Variants in SHTN1 observed in about 807,000 individuals in gnomAD.
SHTN1 encodes shootin 1.
SHTN1 carries 42 observed loss-of-function variants against 83.1 expected under a neutral mutation model. The ratio of observed to expected loss-of-function variants is 0.51; its 90% confidence interval spans 0.39 to 0.65. The LOEUF (loss-of-function observed/expected upper bound fraction) is 0.65, where lower values mean the gene tolerates loss of function less well. SHTN1 is among the 30% of genes least tolerant of loss of function. The pLI is 0.00. For missense variants in SHTN1, 622 were observed against 737.8 expected, an observed-to-expected ratio of 0.84 and a Z score of 1.82; for synonymous variants, 224 against 247.7, an observed-to-expected ratio of 0.90 and a Z score of 0.90.
intron 1 of SHTN1, among the ~76,000 whole-genome samples, chr10:116,990,539 T>C (rs1192377480): frequency 6.6e-6 from 1 of 152,174 alleles, no homozygotes; most frequent in East Asian, 1.9e-4. Flanking sequence ...GTCTTAACAT[T>C]CACTGCCTTG....
At chr10:116,892,098 C>A (rs1177320953) in intron 16 of SHTN1, among the ~76,000 whole-genome samples, 1 of 152,182 alleles carries the variant, frequency 6.6e-6, no homozygotes, top group Non-Finnish European at 1.5e-5. Flanking sequence ...GGGCAAAGAT[C>A]TATGTCTATG....
rs897781864 is a variant in SHTN1 at position 117,005,165 on chromosome 10, G to C, written c.-86C>G. The C allele has an allele frequency of 1.3e-6, 2 of 1,545,242 alleles. No individual in the cohort carries two copies. The highest frequency in any genetic ancestry group is 1.7e-6 in the Non-Finnish European group (2 of 1,145,190). On this transcript the variant is annotated 5_prime_UTR_variant, in exon 1 of 17. Coordinates refer to ENST00000355371, the MANE Select transcript of SHTN1 (RefSeq NM_001127211.3). Reference sequence around the variant, plus strand: ...AGGGGGAAGAAAAAGCAAGATGCCGGTGGCTTGCGGCTCCACTACCCGGAA... The same window carrying C: ...AGGGGGAAGAAAAAGCAAGATGCCGCTGGCTTGCGGCTCCACTACCCGGAA...
chr10:117,003,479 TA>T (rs1388444963), intron 1 of SHTN1, among the ~76,000 whole-genome samples: 1 of 151,478 alleles, frequency 6.6e-6, no homozygotes, highest in East Asian at 1.9e-4. Context: ...AGAGGTTAAA[TA>T]ATTTCCCCAG....
rs553466089 is a variant in SHTN1, at chr10:116,895,152, A to C, written c.1673+6613T>G. 8.1e-4 allele frequency among the ~76,000 whole-genome samples: 123 copies of C among 152,352 alleles called. 1 individual carries two copies. Among genetic ancestry groups the C allele is most frequent in the Non-Finnish European group, 1.6e-3 (107 of 68,042 alleles). On this transcript the variant is annotated intron_variant, in intron 16 of 16. Coordinates refer to ENST00000355371, the MANE Select transcript of SHTN1 (RefSeq NM_001127211.3). ...CAACTAGATTCACAGAGAGTGATTC[A>C]CCTTTGTATTATCATATTATCATTT...
Position 117,065,842 on chromosome 10 carries a change from AAGGAAGGAAG to A in SHTN1, c.-188-17342_-188-17333del, listed in dbSNP as rs1564947449. 2.9e-3 allele frequency among the ~76,000 whole-genome samples: 143 copies of A among 49,546 alleles called. 6 individuals carry two copies. Among genetic ancestry groups the A allele is most frequent in the Admixed American group, 5.9e-3 (24 of 4,050 alleles). The allele number at this position is 49,546 out of a possible 152,430, so 32.5% of individuals were successfully genotyped here. A position where few individuals can be genotyped will look rare whatever the true frequency, so the allele number is the denominator to read the frequency against. ...GAAGGAAGGAAGGAAGGAAGGAAGG[AAGGAAGGAAG>A]GAAAGGAGGGAGGGAGGGAGGGAGG... On this transcript the variant is annotated intron_variant, in intron 1 of 17. Transcript: ENST00000392901.
chr10:116,990,612 C>A (rs1851394605), intron 1 of SHTN1, among the ~76,000 whole-genome samples: 1 of 152,162 alleles, frequency 6.6e-6, no homozygotes, highest in Admixed American at 6.5e-5. Context: ...TTGAGGGGAA[C>A]TGCATCTTTT....
intron 2 of SHTN1, among the ~76,000 whole-genome samples, chr10:117,012,869 TTAAA>T (rs1183847768): frequency 3.3e-5 from 5 of 152,168 alleles, no homozygotes; most frequent in Admixed American, 6.5e-5. Context: ...GTATCACACA[TTAAA>T]TAAATCACAT....
intron 2 of SHTN1, among the ~76,000 whole-genome samples, chr10:116,969,588 C>T (rs1294955484): frequency 6.6e-6 from 1 of 152,160 alleles, no homozygotes; most frequent in Non-Finnish European, 1.5e-5. Flanking sequence ...ATACTAAGCA[C>T]ATATCATTTA....
intron 1 of SHTN1, among the ~76,000 whole-genome samples, chr10:117,126,060 G>T (rs895623012): frequency 1.3e-5 from 2 of 152,230 alleles, no homozygotes; most frequent in Admixed American, 6.5e-5. Context: ...GAAGCCGGGG[G>T]TCAAGGGCGT....
At chr10:117,022,348 T>G (rs561286663) in intron 2 of SHTN1, among the ~76,000 whole-genome samples, 19 of 152,204 alleles carry the variant, frequency 1.2e-4, no homozygotes, top group Admixed American at 5.9e-4. Flanking sequence ...TACAGTGACT[T>G]GAGGTTCAAT....
intron 15 of SHTN1, among the ~76,000 whole-genome samples, chr10:116,903,101 C>T (rs982516142): frequency 3.3e-5 from 5 of 152,220 alleles, no homozygotes; most frequent in African/African-American, 1.2e-4. Context: ...CTGAGCCTTG[C>T]TCTATGCAGG....
intron 1 of SHTN1, among the ~76,000 whole-genome samples, chr10:117,121,490 A>G (rs1243753331): frequency 6.6e-6 from 1 of 150,442 alleles, no homozygotes; most frequent in Non-Finnish European, 1.5e-5. Context: ...GAGGCAGGAG[A>G]ATTGCTTGAG....
chr10:116,947,954 T>A (rs999431810), intron 7 of SHTN1, among the ~76,000 whole-genome samples: 11 of 152,190 alleles, frequency 7.2e-5, no homozygotes, highest in African/African-American at 2.6e-4. Flanking sequence ...ACAAAAAAAA[T>A]TCCCAGTTGA....
At chr10:116,950,411 T>A (rs956191337) in intron 6 of SHTN1, among the ~76,000 whole-genome samples, 1 of 152,158 alleles carries the variant, frequency 6.6e-6, no homozygotes, top group Admixed American at 6.6e-5. Flanking sequence ...CAAGTGATCC[T>A]CCTGCCTCGG....
chr10:116,968,192 C>G (rs935363413), intron 3 of SHTN1, among the ~76,000 whole-genome samples: 1 of 152,050 alleles, frequency 6.6e-6, no homozygotes, highest in Non-Finnish European at 1.5e-5. Flanking sequence ...AAAAAACAAA[C>G]AAACACAAAA....
At chr10:116,955,375 T>C (rs1357339661) in intron 4 of SHTN1, among the ~76,000 whole-genome samples, 3 of 152,184 alleles carry the variant, frequency 2.0e-5, no homozygotes, top group African/African-American at 7.2e-5. Flanking sequence ...AAGTAATCAG[T>C]AGATTATTTT....
intron 1 of SHTN1, among the ~76,000 whole-genome samples, chr10:117,062,627 T>G (rs1852919659): frequency 6.6e-6 from 1 of 152,228 alleles, no homozygotes; most frequent in African/African-American, 2.4e-5. Flanking sequence ...TTTATAGGTT[T>G]ATTGTGAAAA....
At chr10:117,091,006 T>C (rs1269447225) in intron 1 of SHTN1, among the ~76,000 whole-genome samples, 1 of 152,208 alleles carries the variant, frequency 6.6e-6, no homozygotes, top group Non-Finnish European at 1.5e-5. Context: ...TGTGCTTCCC[T>C]TTCCAACTAC....
At chr10:117,061,434 G>A (rs899825392) in intron 1 of SHTN1, among the ~76,000 whole-genome samples, 1 of 151,916 alleles carries the variant, frequency 6.6e-6, no homozygotes, top group Non-Finnish European at 1.5e-5. Context: ...CTGACCTCAG[G>A]CGATCCGCCC....
Sources: allele counts gnomAD v4.1 joint callset (sites outside exome capture counted in the v4.1 genomes callset), GRCh38; gene constraint gnomAD v4.1.1; transcripts MANE v1.5; gene names NCBI Gene and HGNC (gene_info 2026-07-23, HGNC 2026-07-21).